TENM1: variants seen among roughly 807,000 people sequenced by gnomAD.
TENM1 encodes teneurin transmembrane protein 1.
TENM1 carries 35 observed loss-of-function variants against 174.8 expected under a neutral mutation model. The observed-to-expected ratio is 0.20, with a 90% CI of 0.15 to 0.27. The LOEUF (loss-of-function observed/expected upper bound fraction) is 0.27, where lower values mean the gene tolerates loss of function less well. TENM1 is among the 10% of genes least tolerant of loss of function. The pLI, the probability that TENM1 is intolerant of heterozygous loss-of-function variation, is 1.00. For synonymous variants in TENM1, 781 were observed against 798.7 expected (o/e 0.98, Z 0.37); for missense variants, 1,633 against 2,130.1 (o/e 0.77, Z 4.59).
intron 3 of TENM1, among the ~76,000 whole-genome samples, chrX:124,769,087 T>C (rs138292421): frequency 0.026 from 2,907 of 112,184 alleles, 28 homozygotes; most frequent in Middle Eastern, 0.06. Context: ...TACACCTATC[T>C]AATGTTAAAT....
intron 3 of TENM1, among the ~76,000 whole-genome samples, chrX:124,761,816 A>T (rs1298027646): frequency 8.9e-6 from 1 of 112,332 alleles, no homozygotes; most frequent in Non-Finnish European, 1.9e-5. Flanking sequence ...AATTTAAAAA[A>T]TAATGCTTCC....
chrX:124,605,736 T>A (rs2050139945), intron 11 of TENM1, among the ~76,000 whole-genome samples: 1 of 111,676 alleles, frequency 9.0e-6, no homozygotes, highest in East Asian at 2.8e-4. Context: ...ATATGGAATG[T>A]GATCTACTGT....
At chrX:125,059,396 C>T in the TENM1 span, among the ~76,000 whole-genome samples, 34 of 111,418 alleles carry the variant, frequency 3.1e-4, no homozygotes, top group Non-Finnish European at 5.3e-4. Context: ...GTTACTATAG[C>T]AAAGCAAATT....
chrX:124,789,240 G>T (rs1245061858), intron 3 of TENM1, among the ~76,000 whole-genome samples: 4 of 110,445 alleles, frequency 3.6e-5, no homozygotes, highest in African/African-American at 1.3e-4. Context: ...ACAGCAGGGG[G>T]GTCCTGGACC....
chrX:124,449,617 C>T (rs1259060098), intron 23 of TENM1, among the ~76,000 whole-genome samples: 3 of 111,992 alleles, frequency 2.7e-5, no homozygotes, highest in East Asian at 2.8e-4. Context: ...CATACAAATA[C>T]ATTCACACCC....
At chrX:124,522,518 C>A (rs1464514065) in intron 17 of TENM1, among the ~76,000 whole-genome samples, 1 of 109,141 alleles carries the variant, frequency 9.2e-6, no homozygotes, top group African/African-American at 3.4e-5. Context: ...TCAAAAATGT[C>A]TTCTCCTGAC....
At chrX:124,576,387 G>A (rs1178545872) in intron 11 of TENM1, among the ~76,000 whole-genome samples, 1 of 111,267 alleles carries the variant, frequency 9.0e-6, no homozygotes, top group African/African-American at 3.3e-5. Flanking sequence ...TAAGGCTCAT[G>A]ATCTGTCATG....
intron 27 of TENM1, among the ~76,000 whole-genome samples, chrX:124,404,481 C>T (rs182008798): frequency 3.7e-4 from 41 of 111,918 alleles, no homozygotes; most frequent in Non-Finnish European, 4.5e-4. Context: ...GCTCTGAGTA[C>T]CTCAGCCCAA....
At chrX:124,833,946 T>C (rs776622722) in intron 3 of TENM1, among the ~76,000 whole-genome samples, 2 of 110,175 alleles carry the variant, frequency 1.8e-5, no homozygotes, top group Admixed American at 1.9e-4. Flanking sequence ...AGATAGTAAA[T>C]GGTATTGCTG....
intron 11 of TENM1, among the ~76,000 whole-genome samples, chrX:124,632,540 C>T (rs1347125772): frequency 9.0e-6 from 1 of 110,716 alleles, no homozygotes; most frequent in African/African-American, 3.3e-5. Flanking sequence ...TACTGAAGAA[C>T]TAATTTATGT....
intron 3 of TENM1, among the ~76,000 whole-genome samples, chrX:124,866,997 G>A (rs770075061): frequency 9.0e-6 from 1 of 111,115 alleles, no homozygotes; most frequent in African/African-American, 3.3e-5. Flanking sequence ...AATGGATGCT[G>A]TAATAAAAAA....
the TENM1 span, among the ~76,000 whole-genome samples, chrX:125,033,360 G>T: frequency 9.0e-6 from 1 of 111,421 alleles, no homozygotes; most frequent in Non-Finnish European, 1.9e-5. Context: ...CAGATACTAG[G>T]TAAAGACTTA....
intron 3 of TENM1, among the ~76,000 whole-genome samples, chrX:124,784,800 A>G (rs2054997209): frequency 9.0e-6 from 1 of 111,364 alleles, no homozygotes; most frequent in African/African-American, 3.3e-5. Flanking sequence ...CAAACACACA[A>G]GAGGAATACA....
chrX:124,831,968 C>A (rs1477808667), intron 3 of TENM1, among the ~76,000 whole-genome samples: 1 of 111,620 alleles, frequency 9.0e-6, no homozygotes, highest in African/African-American at 3.3e-5. Context: ...CTCTCGGCTG[C>A]TCTAGGGCTT....
exon 29 of TENM1, chrX:124,385,714 A>G (rs201173410): frequency 1.8e-5 from 22 of 1,200,914 alleles, no homozygotes; most frequent in Non-Finnish European, 2.5e-5. Flanking sequence ...TGAATCCGTC[A>G]TGCATCAGGT....
chrX:124,607,368 C>G (rs1202973696), intron 11 of TENM1, among the ~76,000 whole-genome samples: 1 of 110,506 alleles, frequency 9.0e-6, no homozygotes, highest in Non-Finnish European at 1.9e-5. Context: ...ATTGGGTGAT[C>G]AGGGAAAGCC....
Position 124,826,825 on chromosome X carries a change from A to G in TENM1, c.535+67471T>C, listed in dbSNP as rs747208692. 3.6e-5 allele frequency among the ~76,000 whole-genome samples: 4 copies of G among 111,828 alleles called. No homozygotes were observed. The South Asian group carries it at 1.5e-3, about 42-fold the overall frequency. On this transcript the variant is annotated intron_variant, in intron 3 of 31. Transcript: ENST00000422452. ...AACATTTAAAAATGACTTGACATCA[A>G]CAGTTTAGAATCTGAGTTTTATTAA...
intron 11 of TENM1, among the ~76,000 whole-genome samples, chrX:124,599,419 G>A (rs370687898): frequency 9.0e-6 from 1 of 110,846 alleles, no homozygotes; most frequent in Non-Finnish European, 1.9e-5. Flanking sequence ...GAGGTTTCAC[G>A]GGCAGAGATT....
chrX:124,801,556 CTT>C (rs1464397197), intron 3 of TENM1, among the ~76,000 whole-genome samples: 4 of 111,738 alleles, frequency 3.6e-5, no homozygotes, highest in Non-Finnish European at 7.5e-5. Flanking sequence ...CAGTCTGTGT[CTT>C]TTAATTGGGG....
Sources: allele counts gnomAD v4.1 joint callset (sites outside exome capture counted in the v4.1 genomes callset), GRCh38; gene constraint gnomAD v4.1.1; transcripts MANE v1.5; gene names NCBI Gene and HGNC (gene_info 2026-07-23, HGNC 2026-07-21).